Variants in ANKRD44 observed in about 807,000 individuals in gnomAD.
ANKRD44 encodes the protein ankyrin repeat domain 44.
In ANKRD44, 35 loss-of-function variants were observed where a neutral mutation model predicts 116.0. The observed-to-expected ratio is 0.30, with a 90% CI of 0.23 to 0.40. The LOEUF (loss-of-function observed/expected upper bound fraction) is 0.40. Ranked by LOEUF, ANKRD44 falls within the 10% of genes least tolerant of loss-of-function variation. The probability of loss-of-function intolerance (pLI) is 1.00; values close to 1 mark genes in which losing one functional copy is unlikely to be tolerated. For missense variants in ANKRD44, 1,014 were observed against 1,242.6 expected, an observed-to-expected ratio of 0.82 and a Z score of 2.77; for synonymous variants, 435 against 461.8, an observed-to-expected ratio of 0.94 and a Z score of 0.74.
intron 1 of ANKRD44, among the ~76,000 whole-genome samples, chr2:197,231,250 C>T (rs957459132): frequency 1.3e-5 from 2 of 151,928 alleles, no homozygotes; most frequent in Non-Finnish European, 2.9e-5. Context: ...TAGCAAGACC[C>T]CGTCTCTAAA....
chr2:197,261,526 AAAG>A (rs767116972), intron 1 of ANKRD44, among the ~76,000 whole-genome samples: 20 of 149,188 alleles, frequency 1.3e-4, no homozygotes, highest in Non-Finnish European at 2.8e-4. Context: ...AAAAAAAAAA[AAAG>A]AAGTAAAAAA....
intron 1 of ANKRD44, among the ~76,000 whole-genome samples, chr2:197,268,778 C>T (rs2082808047): frequency 6.6e-6 from 1 of 152,172 alleles, no homozygotes; most frequent in Non-Finnish European, 1.5e-5. Flanking sequence ...TCCTCATATG[C>T]CCTGCCTTCA....
intron 2 of ANKRD44, among the ~76,000 whole-genome samples, chr2:197,180,090 C>A (rs188207902): frequency 1.2e-3 from 177 of 151,064 alleles, no homozygotes; most frequent in African/African-American, 4.0e-3. Context: ...AATCAGCGAG[C>A]CAGAAACAGT....
chr2:197,173,433 G>A (rs1473082298), intron 2 of ANKRD44, among the ~76,000 whole-genome samples: 1 of 152,170 alleles, frequency 6.6e-6, no homozygotes, highest in Non-Finnish European at 1.5e-5. Flanking sequence ...CAGTAATTCT[G>A]TACCTATATT....
intron 1 of ANKRD44, chr2:197,299,345 G>A (rs1286345746): frequency 2.6e-5 from 4 of 152,142 alleles, no homozygotes; most frequent in Non-Finnish European, 5.9e-5. Flanking sequence ...TATCTACCCA[G>A]AGGAAAAGAA....
intron 16 of ANKRD44, 86 bp downstream of exon 16, chr2:197,078,617 A>G: frequency 1.9e-6 from 3 of 1,553,056 alleles, no homozygotes; most frequent in Non-Finnish European, 2.6e-6. Flanking sequence ...CCAGAGCTAC[A>G]ACTCTGGAAA....
chr2:197,135,214 C>T (rs2079188545), intron 4 of ANKRD44: 1 of 152,194 alleles, frequency 6.6e-6, no homozygotes, highest in South Asian at 2.1e-4. Flanking sequence ...GCCAAAGACA[C>T]CTGCAACTTC....
chr2:197,052,056 A>C (rs1395791541), intron 16 of ANKRD44, among the ~76,000 whole-genome samples: 1 of 152,172 alleles, frequency 6.6e-6, no homozygotes, highest in Non-Finnish European at 1.5e-5. Context: ...TAGGAAGATA[A>C]GTTGCCAAGC....
chr2:197,141,528 G>A (rs140622949), intron 3 of ANKRD44, among the ~76,000 whole-genome samples: 3 of 152,194 alleles, frequency 2.0e-5, no homozygotes, highest in South Asian at 4.1e-4. Context: ...ATGATCCCAC[G>A]CATGCTGAAC....
intron 1 of ANKRD44, among the ~76,000 whole-genome samples, chr2:197,296,775 T>C (rs1419778695): frequency 6.6e-6 from 1 of 152,236 alleles, no homozygotes; most frequent in African/African-American, 2.4e-5. Flanking sequence ...TTATCTGCTC[T>C]TTAAGTAGCA....
chr2:197,254,751 T>TAC (rs543231338), intron 1 of ANKRD44, among the ~76,000 whole-genome samples: 32 of 142,584 alleles, frequency 2.2e-4, no homozygotes, highest in East Asian at 1.4e-3. Context: ...CACACATACA[T>TAC]ACACACACAC....
intron 21 of ANKRD44, among the ~76,000 whole-genome samples, chr2:197,002,650 T>C (rs1383821395): frequency 6.6e-6 from 1 of 152,220 alleles, no homozygotes; most frequent in Non-Finnish European, 1.5e-5. Context: ...GTAAGACAGA[T>C]CTTGCTGCCT....
intron 1 of ANKRD44, among the ~76,000 whole-genome samples, chr2:197,260,500 G>T (rs1378896587): frequency 6.6e-6 from 1 of 152,074 alleles, no homozygotes; most frequent in African/African-American, 2.4e-5. Context: ...CATTTAGGTT[G>T]GTTCCAAGTC....
chr2:197,168,844 A>G (rs554016053), intron 2 of ANKRD44, among the ~76,000 whole-genome samples: 8 of 152,158 alleles, frequency 5.3e-5, no homozygotes, highest in Non-Finnish European at 1.0e-4. Flanking sequence ...TCATGAGTAC[A>G]TGGCGTCATG....
intron 1 of ANKRD44, among the ~76,000 whole-genome samples, chr2:197,226,661 CA>C (rs36091883): frequency 0.35 from 51,673 of 149,460 alleles, 10,764 homozygotes; most frequent in East Asian, 0.61. Flanking sequence ...GACTCCGTCT[CA>C]AAAAAAAAAG....
At chr2:197,106,849 A>G (rs923462436) in intron 9 of ANKRD44, among the ~76,000 whole-genome samples, 3 of 151,072 alleles carry the variant, frequency 2.0e-5, no homozygotes, top group Admixed American at 2.0e-4. Flanking sequence ...GTGGAAAAAT[A>G]AAAGACAGAC....
Position 197,078,707 on chromosome 2 carries a change from T to G in ANKRD44, c.1646A>C (p.Glu549Ala), listed in dbSNP as rs1379401736. ...AAAYGHRQCL[E>A]LLLERTNSGF... is the part of the protein sequence containing the mutation. Reference sequence around the variant, plus strand: ...AAACAAAACAAAACAACTCACCAATTCCAGACACTGCCTGTGCCCATAGGC... The same window carrying G: ...AAACAAAACAAAACAACTCACCAATGCCAGACACTGCCTGTGCCCATAGGC... Residue 549 changes from glutamate (E) to alanine (A), a missense_variant, in exon 16 of 28, where the codon GAA becomes GCA. Physicochemically the swap from Glu to Ala is moderately radical, Grantham distance 107. Coordinates refer to ENST00000282272, the MANE Select transcript of ANKRD44 (RefSeq NM_001195144.2). 4 of 1,610,778 alleles carry G rather than the reference T, an allele frequency of 2.5e-6. No individual in the cohort carries two copies. In the Admixed American group the frequency reaches 6.7e-5, roughly 27 times the overall value.
intron 1 of ANKRD44, among the ~76,000 whole-genome samples, chr2:197,197,259 A>G (rs1254175290): frequency 6.6e-6 from 1 of 152,204 alleles, no homozygotes; most frequent in Non-Finnish European, 1.5e-5. Context: ...AGGAAGAGAG[A>G]GGAGCCTAAG....
chr2:197,310,624 C>T lies in ANKRD44; in HGVS notation c.-20G>A, dbSNP rs192134306. 1.6e-3 allele frequency: 2,149 copies of T among 1,334,490 alleles called. 25 individuals carry two copies. In the African/African-American group the frequency reaches 0.028, roughly 18 times the overall value. The allele number at this position is 1,334,490 out of a possible 1,614,324, so 82.7% of individuals were successfully genotyped here. On this transcript the variant is annotated 5_prime_UTR_variant, in exon 1 of 28. Coordinates refer to ENST00000282272, the MANE Select transcript of ANKRD44 (RefSeq NM_001195144.2). ...TGCCATTCTTCCGCTCCTTCGCGCGCACACACATGCAGGTCCCCGGCCCGC... is the reference window on the plus strand; with the variant it reads ...TGCCATTCTTCCGCTCCTTCGCGCGTACACACATGCAGGTCCCCGGCCCGC...
Sources: allele counts gnomAD v4.1 joint callset (sites outside exome capture counted in the v4.1 genomes callset), GRCh38; gene constraint gnomAD v4.1.1; transcripts MANE v1.5; gene names NCBI Gene and HGNC (gene_info 2026-07-23, HGNC 2026-07-21).